The following ACTL6A variants were observed in gnomAD, a reference collection of about 807,000 sequenced individuals.
ACTL6A encodes actin like 6A.
A neutral mutation model predicts 59.2 loss-of-function variants in ACTL6A; 5 were observed. The ratio of observed to expected loss-of-function variants is 0.08; its 90% CI spans 0.04 to 0.18. The LOEUF is 0.18. Among genes scored for constraint, ACTL6A ranks in the 10% least tolerant of loss-of-function variants. The pLI is 1.00. For missense variants in ACTL6A, 285 were observed against 526.9 expected, an observed-to-expected ratio of 0.54 and a Z score of 4.49; for synonymous variants, 154 against 171.8, an observed-to-expected ratio of 0.90 and a Z score of 0.81.
chr3:179,564,141 C>T (rs1163372627), intron 1 of ACTL6A, among the ~76,000 whole-genome samples: 2 of 152,168 alleles, frequency 1.3e-5, no homozygotes, highest in Non-Finnish European at 2.9e-5. Context: ...TTAGAGCCTC[C>T]ATTTTTGCAA....
chr3:179,574,567 G>A (rs544737669), intron 5 of ACTL6A, 100 bp downstream of exon 5: 5 of 897,944 alleles, frequency 5.6e-6, no homozygotes, highest in East Asian at 2.5e-5. Flanking sequence ...TGCTTGTTCC[G>A]AAGTTGTTTT....
chr3:179,586,769 A>T, intron 13 of ACTL6A, 137 bp downstream of exon 13: 1 of 713,852 alleles, frequency 1.4e-6, no homozygotes, highest in East Asian at 3.1e-5. Context: ...CTAATGGAAT[A>T]ACCAGTTTTA....
At chr3:179,573,912 A>G (rs373170350) in intron 4 of ACTL6A, among the ~76,000 whole-genome samples, 1 of 152,188 alleles carries the variant, frequency 6.6e-6, no homozygotes, top group Non-Finnish European at 1.5e-5. Flanking sequence ...TACATAGACA[A>G]AAAGGTCCCA....
chr3:179,580,718 A>G lies in ACTL6A; in HGVS notation c.830+17A>G. On this transcript the variant is annotated intron_variant, in intron 9 of 13. Transcript: ENST00000429709. ...TGATGAACAGTATGTTTTCTTATTAAAATGTATACTTTATAAATGAGGAAA... is the reference window on the plus strand; with the variant it reads ...TGATGAACAGTATGTTTTCTTATTAGAATGTATACTTTATAAATGAGGAAA... The G allele has an allele frequency of 6.4e-7, 1 of 1,550,702 alleles. No homozygotes were observed. The highest frequency in any genetic ancestry group is 8.8e-7 in the Non-Finnish European group (1 of 1,135,242).
rs1355662891 is a variant in ACTL6A at position 179,569,864 on chromosome 3, T to C, written c.66T>C (p.Thr22=). ...GALVFDIGSY[T]VRAGYAGEDC... ...TTGTTTTTGACATTGGATCCTATAC[T>C]GTGAGAGCTGGTTATGCTGGTGAGG... The change falls in exon 2 of 14, where the codon ACT becomes ACC. Residue 22 remains threonine (T), a synonymous_variant. Coordinates refer to ENST00000429709, the MANE Select transcript of ACTL6A (RefSeq NM_004301.5). 1.9e-6 allele frequency: 3 copies of C among 1,614,216 alleles called. No individual in the cohort carries two copies. The highest frequency in any genetic ancestry group is 3.3e-5 in the Admixed American group (2 of 60,022).
At chr3:179,563,429 C>T (rs1222955555) in intron 1 of ACTL6A, among the ~76,000 whole-genome samples, 3 of 152,224 alleles carry the variant, frequency 2.0e-5, no homozygotes, top group Admixed American at 6.5e-5. Flanking sequence ...TCAGTCTAGC[C>T]GGCCGCCGGG....
At position 179,587,920 on chromosome 3, in the gene ACTL6A, C is replaced by T. The variant is rs773328034; in HGVS notation, c.1210-10C>T. The T allele has an allele frequency of 1.9e-6, 3 of 1,586,438 alleles. No individual in the cohort carries two copies. The highest frequency in any genetic ancestry group is 2.6e-6 in the Non-Finnish European group (3 of 1,172,274). ...AGGCATAATTATATAAATTTCTTTC[C>T]ATTTTACAGGGTACCTTTCAACAGA... On this transcript the variant is annotated splice_polypyrimidine_tract_variant and intron_variant, in intron 13 of 13. Transcript: ENST00000429709.
chr3:179,576,935 T>A, intron 8 of ACTL6A, 22 bp downstream of exon 8: 1 of 1,585,356 alleles, frequency 6.3e-7, no homozygotes, highest in Non-Finnish European at 8.6e-7. Context: ...TCATTCTCTT[T>A]ACAAAAATGT....
rs761001466 is a variant in ACTL6A, at chr3:179,583,471, T to C, written c.1122+23T>C. 1.7e-5 allele frequency: 27 copies of C among 1,568,548 alleles called. No individual in the cohort carries two copies. The African/African-American group carries it at 2.8e-4, about 17-fold the overall frequency. On this transcript the variant is annotated intron_variant, in intron 12 of 13. Transcript: ENST00000429709. ...CCAGTAAGTTCTGTTTGTTCTTTAA[T>C]GGTATTCTTCAGTCATATATTTCCT...
At chr3:179,579,215 C>T (rs552931464) in intron 8 of ACTL6A, among the ~76,000 whole-genome samples, 45 of 152,084 alleles carry the variant, frequency 3.0e-4, no homozygotes, top group Middle Eastern at 3.4e-3. Context: ...GTCCTTTGCC[C>T]ACTTTTTAAT....
In ACTL6A at chr3:179,588,106, T is replaced by C; in HGVS notation, c.*96T>C. 1 of 929,796 alleles carries C rather than the reference T, an allele frequency of 1.1e-6. No individual in the cohort carries two copies. Among genetic ancestry groups the C allele is most frequent in the South Asian group, 2.4e-5 (1 of 42,326 alleles). 57.6% of individuals were successfully genotyped at this position (929,796 alleles called of 1,614,324 possible). On this transcript the variant is annotated 3_prime_UTR_variant, in exon 14 of 14. Transcript: ENST00000429709. Reference sequence around the variant, plus strand: ...GAATGACCATCTTTTGTAGAATGTTTATACATTTTTGCATATTTCAATTTC... The same window carrying C: ...GAATGACCATCTTTTGTAGAATGTTCATACATTTTTGCATATTTCAATTTC...
chr3:179,570,859 T>TAACC lies in ACTL6A; in HGVS notation c.277+619_277+622dup, dbSNP rs1238647470. On this transcript the variant is annotated intron_variant, in intron 3 of 13. Transcript: ENST00000429709. The surrounding 1 kb of genome is among the most constrained non-coding windows in gnomAD (Gnocchi z 4.3). ...TTGTATTAAGCTAGTGACTGAAGGA[T>TAACC]AACCCCAAAGGAATTTAAACAGATG... Among the ~76,000 whole-genome samples, 2 of 152,086 alleles carry TAACC rather than the reference T, an allele frequency of 1.3e-5. No individual in the cohort carries two copies. The highest frequency in any genetic ancestry group is 2.9e-5 in the Non-Finnish European group (2 of 68,016).
At chr3:179,576,937 C>A in intron 8 of ACTL6A, 24 bp downstream of exon 8, 1 of 1,581,922 alleles carries the variant, frequency 6.3e-7, no homozygotes, top group Non-Finnish European at 8.6e-7. Context: ...ATTCTCTTTA[C>A]AAAAATGTTA....
In ACTL6A at chr3:179,574,480, G is replaced by A; in HGVS notation, c.476+13G>A. The A allele has an allele frequency of 6.5e-7, 1 of 1,526,770 alleles. No individual in the cohort carries two copies. The highest frequency in any genetic ancestry group is 1.7e-5 in the Admixed American group (1 of 59,872). 94.6% of individuals were successfully genotyped at this position (1,526,770 alleles called of 1,614,324 possible). A position where few individuals can be genotyped will look rare whatever the true frequency, so the allele number is the denominator to read the frequency against. Reference sequence around the variant, plus strand: ...CAGTTTTGACAGCGTATCCTTGAAAGAGTAATACCTTTCCTCTTGAAGTAT... The same window carrying A: ...CAGTTTTGACAGCGTATCCTTGAAAAAGTAATACCTTTCCTCTTGAAGTAT... On this transcript the variant is annotated intron_variant, in intron 5 of 13. Transcript: ENST00000429709.
chr3:179,578,336 C>T (rs1718231411), intron 8 of ACTL6A, among the ~76,000 whole-genome samples: 1 of 152,164 alleles, frequency 6.6e-6, no homozygotes, highest in Non-Finnish European at 1.5e-5. Flanking sequence ...TGCCTGTAAT[C>T]CCAGCTACTT....
intron 1 of ACTL6A, among the ~76,000 whole-genome samples, chr3:179,563,667 C>G (rs1717741872): frequency 6.6e-6 from 1 of 152,252 alleles, no homozygotes; most frequent in Non-Finnish European, 1.5e-5. Flanking sequence ...CGTCTGCGCC[C>G]CATGCGCGAG....
At chr3:179,564,251 G>T (rs1382985965) in intron 1 of ACTL6A, among the ~76,000 whole-genome samples, 1 of 152,178 alleles carries the variant, frequency 6.6e-6, no homozygotes, top group Non-Finnish European at 1.5e-5. Flanking sequence ...TATTGCTGTT[G>T]TTACTGTGTC....
At chr3:179,573,105 A>G (rs1025009191) in intron 3 of ACTL6A, 6 of 273,032 alleles carry the variant, frequency 2.2e-5, no homozygotes, top group Non-Finnish European at 4.0e-5. Flanking sequence ...TGAATTGAAT[A>G]ACATTTACTT....
intron 1 of ACTL6A, among the ~76,000 whole-genome samples, chr3:179,568,910 A>T (rs1487845509): frequency 6.6e-6 from 1 of 152,220 alleles, no homozygotes; most frequent in Non-Finnish European, 1.5e-5. Context: ...ATATTAGGAA[A>T]CTGAAGCAGA....
Sources: gnomAD v4.1 joint callset for allele counts (sites outside exome capture counted in the v4.1 genomes callset) on GRCh38, gnomAD v4.1.1 for gene constraint, Gnocchi (gnomAD v3.1) non-coding constraint, MANE v1.5 for transcripts, NCBI Gene and HGNC (gene_info 2026-07-23, HGNC 2026-07-21) for gene names.